Variants in POU2F2 observed in about 807,000 individuals in gnomAD.
The protein encoded by POU2F2 is POU domain, class 2, transcription factor 2.
In POU2F2, 14 loss-of-function variants were observed where a neutral mutation model predicts 63.5. That is an observed-to-expected ratio of 0.22 (90% confidence interval 0.15 to 0.34). The LOEUF (loss-of-function observed/expected upper bound fraction) is 0.34, where lower values mean the gene tolerates loss of function less well. POU2F2 is among the 10% of genes least tolerant of loss of function. The pLI, the probability that POU2F2 is intolerant of heterozygous loss-of-function variation, is 1.00. For synonymous variants in POU2F2, 306 were observed against 348.6 expected (o/e 0.88, Z 1.36); for missense variants, 607 against 815.2 (o/e 0.74, Z 3.11).
intron 1 of POU2F2, among the ~76,000 whole-genome samples, chr19:42,174,483 C>T (rs1173547234): frequency 2.0e-5 from 3 of 151,152 alleles, no homozygotes; most frequent in East Asian, 3.8e-4. Context: ...GATACATAAA[C>T]ATCAGGACGA....
intron 1 of POU2F2, among the ~76,000 whole-genome samples, chr19:42,183,977 T>C (rs1051661429): frequency 6.8e-6 from 1 of 146,030 alleles, no homozygotes; most frequent in Non-Finnish European, 1.5e-5. Context: ...AGAAGGAAAC[T>C]ATGAGACACG....
intron 4 of POU2F2, among the ~76,000 whole-genome samples, chr19:42,118,831 AG>A (rs34663597): frequency 1.3e-5 from 2 of 152,268 alleles, no homozygotes; most frequent in Non-Finnish European, 2.9e-5. Flanking sequence ...ATTTTGTAAA[AG>A]GAAGTCCAGA....
chr19:42,100,914 A>G (rs983782195), intron 5 of POU2F2, among the ~76,000 whole-genome samples: 2 of 152,026 alleles, frequency 1.3e-5, no homozygotes, highest in African/African-American at 4.8e-5. Context: ...CCTGGCTAAC[A>G]CAGTGAAACC....
intron 1 of POU2F2, among the ~76,000 whole-genome samples, chr19:42,122,918 G>A (rs765326238): frequency 6.6e-5 from 10 of 152,190 alleles, no homozygotes; most frequent in Non-Finnish European, 1.2e-4. Flanking sequence ...GGCTGGTGAC[G>A]TCCCAAAGGA....
intron 5 of POU2F2, among the ~76,000 whole-genome samples, chr19:42,103,768 G>A (rs2077232230): frequency 1.3e-5 from 2 of 151,808 alleles, no homozygotes; most frequent in African/African-American, 4.8e-5. Context: ...AAGTAGCTGG[G>A]ACTACAGGCG....
At chr19:42,187,778 A>AC (rs1364711399) in intron 1 of POU2F2, among the ~76,000 whole-genome samples, 1 of 151,354 alleles carries the variant, frequency 6.6e-6, no homozygotes, top group Non-Finnish European at 1.5e-5. Flanking sequence ...AAAAAAAAAA[A>AC]AACAGGTGGG....
intron 5 of POU2F2, among the ~76,000 whole-genome samples, chr19:42,114,919 C>T (rs978293629): frequency 5.9e-5 from 9 of 152,122 alleles, no homozygotes; most frequent in Non-Finnish European, 1.3e-4. Context: ...GTGGGCAGAT[C>T]GCTTGAGCTC....
chr19:42,146,488 G>A (rs1390574209), intron 2 of POU2F2, among the ~76,000 whole-genome samples: 1 of 152,210 alleles, frequency 6.6e-6, no homozygotes, highest in East Asian at 1.9e-4. Context: ...CAACAATTCT[G>A]GGATGCAGAT....
chr19:42,157,245 G>A (rs1367914575), intron 2 of POU2F2: 3 of 152,326 alleles, frequency 2.0e-5, no homozygotes, highest in Non-Finnish European at 4.4e-5. Context: ...CTTAGCCCTC[G>A]GCTTCTCCTT....
Position 42,117,294 on chromosome 19 carries a change from G to T in POU2F2, c.325C>A (p.Leu109Met). 1 of 1,509,608 alleles carries T rather than the reference G, an allele frequency of 6.6e-7. No homozygotes were observed. 93.5% of individuals were successfully genotyped at this position (1,509,608 alleles called of 1,614,324 possible). The change falls in exon 5 of 15, where the codon CTG becomes ATG. Residue 109 changes from leucine to methionine, a missense_variant. Transcript: ENST00000692977. The surrounding 1 kb of genome is among the most constrained non-coding windows in gnomAD (Gnocchi z 4.4). ...PLPPQPAQPH[L>M]PQAQLMLTGS... ...GTCAACATGAGTTGGGCCTGGGGCA[G>T]ATGAGGCTGGGCCGGCTGAGGGGGC... is the stretch of plus-strand genomic sequence containing the variant.
intron 1 of POU2F2, among the ~76,000 whole-genome samples, chr19:42,167,062 C>A (rs1240389380): frequency 1.3e-5 from 2 of 152,120 alleles, no homozygotes; most frequent in African/African-American, 4.8e-5. Flanking sequence ...TCCCTGCCAT[C>A]GTGGAATCCA....
intron 1 of POU2F2, among the ~76,000 whole-genome samples, chr19:42,170,241 C>T (rs1271218803): frequency 1.3e-5 from 2 of 151,972 alleles, no homozygotes; most frequent in African/African-American, 4.8e-5. Flanking sequence ...GAGGGAGATG[C>T]TGCTGTGGAC....
At chr19:42,134,220 G>C (rs1422161829), upstream of POU2F2, among the ~76,000 whole-genome samples, 1 of 149,658 alleles carries the variant, frequency 6.7e-6, no homozygotes, top group Non-Finnish European at 1.5e-5. Flanking sequence ...CATTATGGGG[G>C]GGGGCAAAAC....
chr19:42,099,644 G>A, intron 6 of POU2F2, 26 bp from the exon 7 acceptor site: 1 of 1,607,516 alleles, frequency 6.2e-7, no homozygotes, highest in South Asian at 1.1e-5. Flanking sequence ...GAAATACACA[G>A]GGTGAGGGGG....
Position 42,109,043 on chromosome 19 carries a change from G to A in POU2F2, c.369+8207C>T, listed in dbSNP as rs3786540. 5.5e-3 allele frequency among the ~76,000 whole-genome samples: 843 copies of A among 152,352 alleles called. 63 individuals are homozygous for A. In the East Asian group the frequency reaches 0.14, roughly 26 times the overall value. ...AGTACTTTGCCATAGCTGGGACTTT[G>A]GCTATGACTGGGGGCAGAAAGGTTG... On this transcript the variant is annotated intron_variant, in intron 5 of 14. Transcript: ENST00000692977.
chr19:42,122,384 A>G lies in POU2F2; in HGVS notation c.95-6T>C. ...TGGTCCATTTCTTTCGGTGTCTGCA[A>G]AGAGAGGGAAAGGATGTGTTGTCAT... On this transcript the variant is annotated splice_polypyrimidine_tract_variant and splice_region_variant and intron_variant, in intron 2 of 14. Transcript: ENST00000692977. 1 of 1,612,484 alleles carries G rather than the reference A, an allele frequency of 6.2e-7. No individual in the cohort carries two copies. The highest frequency in any genetic ancestry group is 1.7e-5 in the Admixed American group (1 of 59,862).
chr19:42,110,815 C>T, intron 5 of POU2F2: 1 of 449,792 alleles, frequency 2.2e-6, no homozygotes, highest in South Asian at 1.6e-5. Flanking sequence ...TTCCTCTTCA[C>T]TTAATTGGTC....
At chr19:42,158,227 A>C (rs1274888188) in intron 2 of POU2F2, among the ~76,000 whole-genome samples, 2 of 152,246 alleles carry the variant, frequency 1.3e-5, no homozygotes, top group African/African-American at 2.4e-5. Flanking sequence ...TCTCTAGTGT[A>C]TAATCATCTC....
chr19:42,181,032 G>A (rs529658186), intron 1 of POU2F2, among the ~76,000 whole-genome samples: 139 of 152,268 alleles, frequency 9.1e-4, no homozygotes, highest in African/African-American at 3.2e-3. Flanking sequence ...TTAAGAGTCT[G>A]TGGTCCACAA....
Sources: gnomAD v4.1 joint callset for allele counts (sites outside exome capture counted in the v4.1 genomes callset) on GRCh38, gnomAD v4.1.1 for gene constraint, Gnocchi (gnomAD v3.1) non-coding constraint, MANE v1.5 for transcripts, NCBI Gene and HGNC (gene_info 2026-07-23, HGNC 2026-07-21) for gene names.